Variants in LARS2 observed in about 807,000 individuals in gnomAD.
LARS2 encodes leucine--tRNA ligase, mitochondrial.
Under a neutral mutation model 116.6 loss-of-function variants are expected in LARS2, and 81 were observed. The observed-to-expected ratio is 0.69, with a 90% CI of 0.58 to 0.84. LARS2 has a LOEUF of 0.84. Ranked by LOEUF, LARS2 falls within the 40% of genes least tolerant of loss-of-function variation. The probability of loss-of-function intolerance (pLI) is 0.00; values close to 1 mark genes in which losing one functional copy is unlikely to be tolerated. For missense variants in LARS2, 968 were observed against 1,114.5 expected, an observed-to-expected ratio of 0.87 and a Z score of 1.87; for synonymous variants, 396 against 407.2, an observed-to-expected ratio of 0.97 and a Z score of 0.33.
rs1410648562 is a variant in LARS2, at chr3:45,400,353, C to T, written c.343C>T (p.Gln115Ter). Residue 115 changes from glutamine (Q) to a stop codon, truncating the protein, a stop_gained, in exon 4 of 22, where the codon CAG becomes TAG. Coordinates refer to ENST00000645846, the MANE Select transcript of LARS2 (RefSeq NM_015340.4). LOFTEE classifies it high-confidence loss of function. ...CATCAGCGACACCATAGCACGGTTC[C>T]AGAAGATGAGAGGGATGCAGGTAAG... is the stretch of plus-strand genomic sequence containing the variant. ...YTISDTIARF[Q>*]KMRGMQVINP... The T allele has an allele frequency of 1.2e-6, 2 of 1,611,006 alleles. No individual in the cohort carries two copies. Among genetic ancestry groups the T allele is most frequent in the Admixed American group, 1.7e-5 (1 of 59,168 alleles).
intron 2 of LARS2, 124 bp from the exon 3 acceptor site, chr3:45,394,309 G>A: frequency 1.6e-6 from 1 of 611,162 alleles, no homozygotes. Flanking sequence ...TCTTTTCAGG[G>A]AAAGAAATTA....
intron 6 of LARS2, among the ~76,000 whole-genome samples, chr3:45,435,551 G>C (rs1296946012): frequency 3.9e-5 from 6 of 152,166 alleles, no homozygotes; most frequent in Non-Finnish European, 5.9e-5. Flanking sequence ...TCTAGATAGA[G>C]GAGTTCAGTC....
chr3:45,426,655 A>G (rs1355031759), intron 6 of LARS2, among the ~76,000 whole-genome samples: 1 of 152,064 alleles, frequency 6.6e-6, no homozygotes, highest in African/African-American at 2.4e-5. Context: ...CTTGCAGTTG[A>G]CCTCATGAGG....
At chr3:45,439,923 T>C (rs1698877449) in intron 6 of LARS2, among the ~76,000 whole-genome samples, 1 of 152,250 alleles carries the variant, frequency 6.6e-6, no homozygotes. Flanking sequence ...GAGGAACTTC[T>C]TTGCAGTGGT....
At chr3:45,437,946 G>T (rs1011916771) in intron 6 of LARS2, among the ~76,000 whole-genome samples, 1 of 152,098 alleles carries the variant, frequency 6.6e-6, no homozygotes, top group African/African-American at 2.4e-5. Context: ...ATAATGTAGT[G>T]TATTAGGAGG....
intron 14 of LARS2, among the ~76,000 whole-genome samples, chr3:45,499,377 G>T (rs1378612887): frequency 1.3e-5 from 2 of 152,182 alleles, no homozygotes; most frequent in Admixed American, 1.3e-4. Context: ...TGGAGGCGGA[G>T]GTTGCAGTGA....
chr3:45,428,458 G>C (rs1214911157), intron 6 of LARS2, among the ~76,000 whole-genome samples: 2 of 151,086 alleles, frequency 1.3e-5, no homozygotes, highest in African/African-American at 2.4e-5. Context: ...TGTTAGCCAG[G>C]ATGGTCTCAA....
chr3:45,539,973 TTAAAATGC>T (rs774956884), intron 20 of LARS2, among the ~76,000 whole-genome samples: 2 of 152,160 alleles, frequency 1.3e-5, no homozygotes, highest in Admixed American at 6.6e-5. Flanking sequence ...TAAAATAAGT[TTAAAATGC>T]TATCTGGGGT....
rs187487971 is a variant in LARS2, at chr3:45,473,237, C to A, written c.751-1006C>A. 2.7e-4 allele frequency among the ~76,000 whole-genome samples: 41 copies of A among 152,182 alleles called. 1 individual carries two copies. In the East Asian group the frequency reaches 7.7e-3, roughly 29 times the overall value. On this transcript the variant is annotated intron_variant, in intron 8 of 21. Transcript: ENST00000645846. ...AGTTATGTTTTTGTCATTGTTGTTG[C>A]TTTTCATTTTTATTGTAAAATGAAA...
At chr3:45,421,224 A>C (rs928129831) in intron 6 of LARS2, 2 of 152,106 alleles carry the variant, frequency 1.3e-5, no homozygotes, top group Non-Finnish European at 2.9e-5. Flanking sequence ...GAAAACTGAA[A>C]GTTTTTTCAT....
At chr3:45,520,146 TGATAATTCAGTC>T in intron 18 of LARS2, 61 bp from the exon 19 acceptor site, 2 of 1,048,580 alleles carry the variant, frequency 1.9e-6, no homozygotes, top group South Asian at 1.3e-5. Context: ...TTTTTTGTTT[TGATAATTCAGTC>T]TTTTTGTGGA....
At chr3:45,538,605 A>T (rs1306419715) in intron 20 of LARS2, 1 of 152,304 alleles carries the variant, frequency 6.6e-6, no homozygotes, top group African/African-American at 2.4e-5. Flanking sequence ...CACAGGAACC[A>T]TCTGGGCAGC....
chr3:45,472,407 G>A (rs1210818653), intron 8 of LARS2, among the ~76,000 whole-genome samples: 1 of 152,126 alleles, frequency 6.6e-6, no homozygotes, highest in Non-Finnish European at 1.5e-5. Flanking sequence ...TGAGTACAGT[G>A]GTCTCAGGCC....
chr3:45,479,290 C>A (rs1243133020), intron 10 of LARS2, among the ~76,000 whole-genome samples: 3 of 152,056 alleles, frequency 2.0e-5, no homozygotes, highest in Non-Finnish European at 2.9e-5. Flanking sequence ...TCTTGGAGGA[C>A]CTTGTGGGTA....
chr3:45,444,776 A>G (rs1272907288), intron 6 of LARS2, among the ~76,000 whole-genome samples: 1 of 149,946 alleles, frequency 6.7e-6, no homozygotes, highest in African/African-American at 2.4e-5. Flanking sequence ...TGTATATTTT[A>G]TATATGTGTG....
chr3:45,455,089 C>T (rs1235400555), intron 7 of LARS2, among the ~76,000 whole-genome samples: 1 of 146,754 alleles, frequency 6.8e-6, no homozygotes, highest in East Asian at 2.0e-4. Context: ...CCCCCCAAGT[C>T]TTTCATTAGG....
chr3:45,484,649 T>TA (rs36044906), intron 10 of LARS2, among the ~76,000 whole-genome samples: 28 of 37,474 alleles, frequency 7.5e-4, no homozygotes, highest in Non-Finnish European at 1.5e-3. Flanking sequence ...ATATATATAT[T>TA]TAAAATAAGA....
At chr3:45,427,827 T>C (rs914875768) in intron 6 of LARS2, among the ~76,000 whole-genome samples, 2 of 148,902 alleles carry the variant, frequency 1.3e-5, no homozygotes, top group African/African-American at 4.9e-5. Context: ...TTTTTTTTCT[T>C]TTTTTTTTTT....
Position 45,528,439 on chromosome 3 carries a change from T to C in LARS2, c.2404+4331T>C, listed in dbSNP as rs553217711. On this transcript the variant is annotated intron_variant, in intron 20 of 21. Transcript: ENST00000645846. ...TGTTGTGTTTTGTCATGTCTCTTTA[T>C]AAAATTTAAATACCCTAAAATTTAC... Among the ~76,000 whole-genome samples, 3 of 152,360 alleles carry C rather than the reference T, an allele frequency of 2.0e-5. No individual in the cohort carries two copies. In the South Asian group the frequency reaches 6.2e-4, roughly 32 times the overall value.
Sources: allele counts gnomAD v4.1 joint callset (sites outside exome capture counted in the v4.1 genomes callset), GRCh38; gene constraint gnomAD v4.1.1; transcripts MANE v1.5; gene names NCBI Gene and HGNC (gene_info 2026-07-23, HGNC 2026-07-21).